HS3ST5: variants seen among roughly 807,000 people sequenced by gnomAD.
HS3ST5 encodes the protein heparan sulfate glucosamine 3-O-sulfotransferase 5.
Under a neutral mutation model 25.4 loss-of-function variants are expected in HS3ST5, and 10 were observed. The observed-to-expected ratio is 0.39, with a 90% CI of 0.24 to 0.67. The LOEUF (loss-of-function observed/expected upper bound fraction) is 0.67, where lower values mean the gene tolerates loss of function less well. Ranked by LOEUF, HS3ST5 falls within the 30% of genes least tolerant of loss-of-function variation. The pLI is 0.44. For missense variants in HS3ST5, 324 were observed against 420.7 expected, an observed-to-expected ratio of 0.77 and a Z score of 2.01; for synonymous variants, 170 against 162.4, an observed-to-expected ratio of 1.05 and a Z score of -0.36.
At chr6:114,206,272 G>A (rs1430650812) in intron 2 of HS3ST5, among the ~76,000 whole-genome samples, 1 of 152,116 alleles carries the variant, frequency 6.6e-6, no homozygotes, top group Non-Finnish European at 1.5e-5. Flanking sequence ...AACTCCTTGA[G>A]GGCAGTTTTT....
At chr6:114,334,600 TTGTATTACG>T (rs1562279226) in intron 1 of HS3ST5, among the ~76,000 whole-genome samples, 1 of 152,214 alleles carries the variant, frequency 6.6e-6, no homozygotes, top group Non-Finnish European at 1.5e-5. Flanking sequence ...ATCCTTAACA[TTGTATTACG>T]ACTGCTTACA....
At chr6:114,094,961 C>T (rs868010703) in intron 3 of HS3ST5, among the ~76,000 whole-genome samples, 27 of 152,296 alleles carry the variant, frequency 1.8e-4, no homozygotes, top group Middle Eastern at 3.4e-3. Flanking sequence ...CTGTCAACAA[C>T]CACATGCAGG....
intron 1 of HS3ST5, among the ~76,000 whole-genome samples, chr6:114,323,955 A>G (rs1357784112): frequency 6.6e-6 from 1 of 152,102 alleles, no homozygotes; most frequent in Non-Finnish European, 1.5e-5. Context: ...CCTTCTGTTA[A>G]CAAAGACATT....
intron 1 of HS3ST5, among the ~76,000 whole-genome samples, chr6:114,329,081 T>C (rs1260629684): frequency 6.6e-6 from 1 of 152,238 alleles, no homozygotes; most frequent in African/African-American, 2.4e-5. Flanking sequence ...GATAAATCTA[T>C]AAGAAAAGCA....
At chr6:114,155,307 T>C (rs1359164332) in intron 3 of HS3ST5, among the ~76,000 whole-genome samples, 1 of 151,906 alleles carries the variant, frequency 6.6e-6, no homozygotes. Context: ...AGGACACGAA[T>C]AAATATAAAG....
At chr6:114,339,324 G>T (rs1776732656) in intron 1 of HS3ST5, among the ~76,000 whole-genome samples, 1 of 152,028 alleles carries the variant, frequency 6.6e-6, no homozygotes, top group African/African-American at 2.4e-5. Context: ...TGAAATGAGG[G>T]TGCCTACAAT....
intron 1 of HS3ST5, among the ~76,000 whole-genome samples, chr6:114,230,738 C>G (rs1479347487): frequency 2.0e-5 from 3 of 151,734 alleles, no homozygotes; most frequent in Non-Finnish European, 4.4e-5. Context: ...AGGCATACAC[C>G]ACCACACCCT....
intron 1 of HS3ST5, among the ~76,000 whole-genome samples, chr6:114,286,709 C>G (rs1774355691): frequency 1.3e-5 from 2 of 151,864 alleles, no homozygotes; most frequent in Admixed American, 1.3e-4. Flanking sequence ...CTCAAGCATA[C>G]AATTTTGCTT....
chr6:114,070,242 A>G (rs1582563299), intron 3 of HS3ST5, among the ~76,000 whole-genome samples: 1 of 151,064 alleles, frequency 6.6e-6, no homozygotes, highest in South Asian at 2.1e-4. Flanking sequence ...CACCCAAATT[A>G]CCTGCCACTG....
chr6:114,221,333 T>A (rs1234920300), intron 2 of HS3ST5, among the ~76,000 whole-genome samples: 1 of 152,002 alleles, frequency 6.6e-6, no homozygotes, highest in Non-Finnish European at 1.5e-5. Context: ...AAAATACATA[T>A]AGTACATAAA....
chr6:114,330,381 G>A (rs1041802902), intron 1 of HS3ST5, among the ~76,000 whole-genome samples: 8 of 152,064 alleles, frequency 5.3e-5, no homozygotes, highest in East Asian at 3.8e-4. Context: ...GTAGTTGCTC[G>A]GTAAATAGCT....
intron 1 of HS3ST5, among the ~76,000 whole-genome samples, chr6:114,270,752 T>C (rs1486391761): frequency 6.6e-6 from 1 of 152,146 alleles, no homozygotes; most frequent in Non-Finnish European, 1.5e-5. Flanking sequence ...GATAAGCCTA[T>C]GATTCTGTCA....
At position 114,127,185 on chromosome 6, in the gene HS3ST5, G is replaced by A. The variant is rs548027110; in HGVS notation, c.-33+41166C>T. Among the ~76,000 whole-genome samples the A allele has an allele frequency of 1.1e-4, 17 of 152,190 alleles. 1 individual carries two copies. The highest frequency in any genetic ancestry group is 3.9e-4 in the African/African-American group (16 of 41,552). Reference sequence around the variant, plus strand: ...GCTGATCATTTGAGGTCAGGAGTTCGAGACTAGCCTGGCCAACATGGTGAA... The same window carrying A: ...GCTGATCATTTGAGGTCAGGAGTTCAAGACTAGCCTGGCCAACATGGTGAA... On this transcript the variant is annotated intron_variant, in intron 3 of 4. Transcript: ENST00000312719.
At chr6:114,272,184 A>T in intron 1 of HS3ST5, among the ~76,000 whole-genome samples, 1 of 152,150 alleles carries the variant, frequency 6.6e-6, no homozygotes, top group Non-Finnish European at 1.5e-5. Flanking sequence ...ACATTTTCCT[A>T]TGTCTTTACA....
chr6:114,203,906 C>T (rs1285886149), intron 2 of HS3ST5, among the ~76,000 whole-genome samples: 1 of 152,124 alleles, frequency 6.6e-6, no homozygotes, highest in Non-Finnish European at 1.5e-5. Context: ...GTGCAGCAGG[C>T]AAGAGGAACC....
At chr6:114,140,693 G>A (rs1777861116) in intron 3 of HS3ST5, among the ~76,000 whole-genome samples, 1 of 152,176 alleles carries the variant, frequency 6.6e-6, no homozygotes, top group African/African-American at 2.4e-5. Flanking sequence ...CTGGGCAGAG[G>A]AGCACGAGGA....
rs186918509 is a variant in HS3ST5, at chr6:114,336,794, T to C, written c.-339+5401A>G. Among the ~76,000 whole-genome samples, 259 of 152,304 alleles carry C rather than the reference T, an allele frequency of 1.7e-3. 2 individuals are homozygous for C. The highest frequency in any genetic ancestry group is 6.1e-3 in the African/African-American group (252 of 41,570). On this transcript the variant is annotated intron_variant, in intron 1 of 4. Transcript: ENST00000312719. Reference sequence around the variant, plus strand: ...TGTTGAGGCATGTTCAGAATTATTGTGATTTTTTTCATTGACTTGAGTTAG... The same window carrying C: ...TGTTGAGGCATGTTCAGAATTATTGCGATTTTTTTCATTGACTTGAGTTAG...
intron 1 of HS3ST5, among the ~76,000 whole-genome samples, chr6:114,244,231 A>G (rs1429404060): frequency 1.3e-5 from 2 of 152,194 alleles, no homozygotes; most frequent in Non-Finnish European, 2.9e-5. Flanking sequence ...TTTTTTAGCA[A>G]TACCATCTCT....
intron 1 of HS3ST5, among the ~76,000 whole-genome samples, chr6:114,257,713 C>T (rs78077907): frequency 0.018 from 2,671 of 152,062 alleles, 63 homozygotes; most frequent in African/African-American, 0.054. Context: ...GTATATGTCA[C>T]GTATATTAGT....
Sources: allele counts gnomAD v4.1 joint callset (sites outside exome capture counted in the v4.1 genomes callset), GRCh38; gene constraint gnomAD v4.1.1; transcripts MANE v1.5; gene names NCBI Gene and HGNC (gene_info 2026-07-23, HGNC 2026-07-21).